Variants in STAG1 observed in about 807,000 individuals in gnomAD.
STAG1 encodes STAG1 cohesin complex component.
STAG1 carries 26 observed loss-of-function variants against 170.9 expected under a neutral mutation model. The observed-to-expected ratio is 0.15, with a 90% CI of 0.11 to 0.21. The LOEUF (loss-of-function observed/expected upper bound fraction) is 0.21. STAG1 is among the 10% of genes least tolerant of loss of function. The probability of loss-of-function intolerance (pLI) is 1.00; values close to 1 mark genes in which losing one functional copy is unlikely to be tolerated. For missense variants in STAG1, 964 were observed against 1,509.5 expected, an observed-to-expected ratio of 0.64 and a Z score of 5.99; for synonymous variants, 514 against 497.7, an observed-to-expected ratio of 1.03 and a Z score of -0.44.
chr3:136,644,339 G>T (rs1940916908), intron 1 of STAG1, among the ~76,000 whole-genome samples: 1 of 152,142 alleles, frequency 6.6e-6, no homozygotes, highest in South Asian at 2.1e-4. Context: ...AAAAGTATCA[G>T]AATAATCATA....
At chr3:136,423,468 CTAA>C (rs2088019295) in intron 16 of STAG1, among the ~76,000 whole-genome samples, 1 of 152,142 alleles carries the variant, frequency 6.6e-6, no homozygotes, top group African/African-American at 2.4e-5. Flanking sequence ...AAAGCACACA[CTAA>C]TAATATCTCT....
intron 1 of STAG1, among the ~76,000 whole-genome samples, chr3:136,641,645 C>G (rs1940802874): frequency 6.6e-6 from 1 of 152,150 alleles, no homozygotes; most frequent in East Asian, 1.9e-4. Context: ...AACAGTAAGG[C>G]TAAGGAACTG....
chr3:136,608,458 G>A (rs1227527238), intron 3 of STAG1, among the ~76,000 whole-genome samples: 1 of 151,114 alleles, frequency 6.6e-6, no homozygotes, highest in Non-Finnish European at 1.5e-5. Flanking sequence ...TTGAGCCGGG[G>A]AGGCAGAGTC....
chr3:136,465,558 C>CAAAAAAAAAA (rs11364802), intron 12 of STAG1, among the ~76,000 whole-genome samples: 6 of 48,222 alleles, frequency 1.2e-4, no homozygotes, highest in South Asian at 1.7e-3. Context: ...ACTCTTGCCT[C>CAAAAAAAAAA]AAAAAAAAAA....
chr3:136,556,576 T>TG (rs1936627677), intron 5 of STAG1, among the ~76,000 whole-genome samples: 1 of 152,074 alleles, frequency 6.6e-6, no homozygotes, highest in African/African-American at 2.4e-5. Context: ...ATTCGTTTTT[T>TG]TTTTGTTTGT....
chr3:136,392,315 C>T (rs1413995491), intron 22 of STAG1, among the ~76,000 whole-genome samples: 2 of 152,118 alleles, frequency 1.3e-5, no homozygotes, highest in South Asian at 2.1e-4. Context: ...AAATAAATTA[C>T]GGTATAGCTA....
intron 5 of STAG1, among the ~76,000 whole-genome samples, chr3:136,544,595 T>C (rs540044882): frequency 6.6e-6 from 1 of 152,002 alleles, no homozygotes; most frequent in East Asian, 1.9e-4. Context: ...AGACATCATC[T>C]CTACTAAAAA....
chr3:136,488,330 C>T (rs904899712), intron 9 of STAG1, among the ~76,000 whole-genome samples: 2 of 152,146 alleles, frequency 1.3e-5, no homozygotes, highest in Non-Finnish European at 2.9e-5. Flanking sequence ...GCCATGTTAG[C>T]CAGGCTGGTC....
intron 1 of STAG1, among the ~76,000 whole-genome samples, chr3:136,635,123 TTC>T (rs1559922202): frequency 6.6e-6 from 1 of 152,216 alleles, no homozygotes; most frequent in Non-Finnish European, 1.5e-5. Context: ...TTCGAATTCA[TTC>T]TGTGAGGCAT....
At chr3:136,428,906 G>T (rs1456806146) in intron 16 of STAG1, among the ~76,000 whole-genome samples, 3 of 152,222 alleles carry the variant, frequency 2.0e-5, no homozygotes, top group African/African-American at 7.2e-5. Context: ...ATGCCAAGGT[G>T]GGAGAATCAC....
At chr3:136,465,700 C>T (rs140914459) in intron 12 of STAG1, among the ~76,000 whole-genome samples, 56 of 151,574 alleles carry the variant, frequency 3.7e-4, no homozygotes, top group Non-Finnish European at 6.2e-4. Flanking sequence ...AGAATAAGAG[C>T]TCAAATAGGG....
Position 136,338,136 on chromosome 3 carries a change from T to TTGA in STAG1, c.*115_*117dup. The TTGA allele has an allele frequency of 1.4e-6, 1 of 701,244 alleles. No homozygotes were observed. Among genetic ancestry groups the TTGA allele is most frequent in the Non-Finnish European group, 2.5e-6 (1 of 402,340 alleles). The allele number at this position is 701,244 out of a possible 1,614,324, so 43.4% of individuals were successfully genotyped here. A position where few individuals can be genotyped will look rare whatever the true frequency, so the allele number is the denominator to read the frequency against. ...GCAAAAAGGGATTGACCTTAATCAT[T>TTGA]TGATTAAAAAACAAATCAGATCACA... is the stretch of plus-strand genomic sequence containing the variant. On this transcript the variant is annotated 3_prime_UTR_variant, in exon 34 of 34. Coordinates refer to ENST00000383202, the MANE Select transcript of STAG1 (RefSeq NM_005862.3).
intron 1 of STAG1, among the ~76,000 whole-genome samples, chr3:136,726,198 A>C (rs1933676435): frequency 6.6e-6 from 1 of 152,164 alleles, no homozygotes; most frequent in Non-Finnish European, 1.5e-5. Context: ...GCATTACAGA[A>C]GGTTTAGCAG....
chr3:136,718,793 G>T (rs1022626751), intron 1 of STAG1, among the ~76,000 whole-genome samples: 1 of 150,826 alleles, frequency 6.6e-6, no homozygotes, highest in Admixed American at 6.6e-5. Context: ...CAAGTGTGGT[G>T]GGGGGGGCCT....
intron 6 of STAG1, among the ~76,000 whole-genome samples, chr3:136,540,545 G>A (rs1935840154): frequency 6.6e-6 from 1 of 151,912 alleles, no homozygotes; most frequent in East Asian, 1.9e-4. Flanking sequence ...TATTTGGCCA[G>A]GCATGGTGGC....
chr3:136,687,282 G>C (rs1362974037), intron 1 of STAG1, among the ~76,000 whole-genome samples: 10 of 152,142 alleles, frequency 6.6e-5, no homozygotes, highest in Non-Finnish European at 1.3e-4. Flanking sequence ...TTGTAGGGAG[G>C]TGACAGCAAT....
At chr3:136,729,943 C>T (rs1416742314) in intron 1 of STAG1, among the ~76,000 whole-genome samples, 4 of 131,016 alleles carry the variant, frequency 3.1e-5, no homozygotes, top group Non-Finnish European at 6.1e-5. Flanking sequence ...AGCTGGAGTG[C>T]AGTAGCGTGA....
chr3:136,365,364 G>C (rs1937035981), intron 25 of STAG1, among the ~76,000 whole-genome samples: 1 of 152,134 alleles, frequency 6.6e-6, no homozygotes, highest in East Asian at 1.9e-4. Flanking sequence ...CAGATGAATC[G>C]TGTCTTAAGA....
chr3:136,686,098 T>G (rs1220749737), intron 1 of STAG1, among the ~76,000 whole-genome samples: 1 of 152,176 alleles, frequency 6.6e-6, no homozygotes, highest in Non-Finnish European at 1.5e-5. Flanking sequence ...TAGGCAAAAC[T>G]GGCCTTAAGA....
Sources: allele counts gnomAD v4.1 joint callset (sites outside exome capture counted in the v4.1 genomes callset), GRCh38; gene constraint gnomAD v4.1.1; transcripts MANE v1.5; gene names NCBI Gene and HGNC (gene_info 2026-07-23, HGNC 2026-07-21).